Variants in CASC3 observed in about 807,000 individuals in gnomAD.
The protein encoded by CASC3 is CASC3 exon junction complex subunit, also known as protein CASC3.
CASC3 carries 30 observed loss-of-function variants against 80.5 expected under a neutral mutation model. The observed-to-expected ratio is 0.37, with a 90% CI of 0.28 to 0.51. The LOEUF is 0.51. Ranked by LOEUF, CASC3 falls within the 20% of genes least tolerant of loss-of-function variation. The probability of loss-of-function intolerance (pLI) is 0.94; values close to 1 mark genes in which losing one functional copy is unlikely to be tolerated. For missense variants in CASC3, 824 were observed against 922.2 expected (o/e 0.89, Z 1.38); for synonymous variants, 312 against 333.6 (o/e 0.94, Z 0.70).
In CASC3 at chr17:40,171,850, G is replaced by T. The variant is rs1989601351; in HGVS notation, c.*1445G>T. 1.7e-6 allele frequency: 2 copies of T among 1,194,634 alleles called. No homozygotes were observed. Among genetic ancestry groups the T allele is most frequent in the Admixed American group, 3.5e-5 (1 of 28,812 alleles). 74.0% of individuals were successfully genotyped at this position (1,194,634 alleles called of 1,614,324 possible). A position where few individuals can be genotyped will look rare whatever the true frequency, so the allele number is the denominator to read the frequency against. On this transcript the variant is annotated 3_prime_UTR_variant, in exon 14 of 14. Transcript: ENST00000264645. ...CTAATCACTCTGAGTCACAGGTGTG[G>T]GATGGAGAGTGGGGAGAGGCACTTA...
chr17:40,143,095 A>T (rs1988763321), intron 3 of CASC3, among the ~76,000 whole-genome samples: 1 of 151,410 alleles, frequency 6.6e-6, no homozygotes, highest in African/African-American at 2.4e-5. Flanking sequence ...TCAAAAAAAA[A>T]AAAATAAATA....
intron 7 of CASC3, among the ~76,000 whole-genome samples, chr17:40,165,763 GTT>G (rs915103639): frequency 3.3e-5 from 4 of 123,002 alleles, no homozygotes; most frequent in Non-Finnish European, 1.8e-5. Context: ...TTTTTTTTTT[GTT>G]TTTTTTTTTT....
Position 40,163,978 on chromosome 17 carries a change from C to A in CASC3, c.1283C>A (p.Pro428His), listed in dbSNP as rs1251733224. 6.2e-7 allele frequency: 1 copy of A among 1,614,142 alleles called. No homozygotes were observed. The highest frequency in any genetic ancestry group is 1.1e-5 in the South Asian group (1 of 91,080). Residue 428 changes from proline (P) to histidine (H), a missense_variant, in exon 7 of 14, where the codon CCT becomes CAT. This residue lies in a region of CASC3 where 464 missense variants were observed against 506.0 expected (regional missense o/e 0.92). Transcript: ENST00000264645. ...CTTGCAGAGGAGGTGCCCCCTCCTC[C>A]TGAAGGACTGATTCCAGCACCTCCA... The part of the protein sequence containing the change: ...VKLAEEVPPP[P>H]EGLIPAPPVP...
chr17:40,168,012 A>C, intron 10 of CASC3, 64 bp downstream of exon 10: 1 of 1,506,080 alleles, frequency 6.6e-7, no homozygotes, highest in Non-Finnish European at 9.2e-7. Flanking sequence ...GAGTGCCACA[A>C]AACCCATCCT....
At chr17:40,155,480 C>G (rs1000663854) in intron 3 of CASC3, among the ~76,000 whole-genome samples, 1 of 152,106 alleles carries the variant, frequency 6.6e-6, no homozygotes, top group African/African-American at 2.4e-5. Context: ...CATAGCAGTT[C>G]TAGGTAAGAC....
At chr17:40,141,694 C>T (rs549557458) in intron 3 of CASC3, 87 bp downstream of exon 3, 4 of 961,670 alleles carry the variant, frequency 4.2e-6, no homozygotes, top group South Asian at 2.7e-5. Context: ...CGTACCATGA[C>T]CTCCGTGTTT....
intron 3 of CASC3, among the ~76,000 whole-genome samples, chr17:40,144,492 A>ACAC (rs1044426345): frequency 6.6e-6 from 1 of 150,426 alleles, no homozygotes; most frequent in Non-Finnish European, 1.5e-5. Flanking sequence ...TTACAGGTGC[A>ACAC]CACCACCACA....
chr17:40,152,015 G>A (rs1989023259), intron 3 of CASC3, among the ~76,000 whole-genome samples: 1 of 152,198 alleles, frequency 6.6e-6, no homozygotes, highest in Admixed American at 6.5e-5. Context: ...ACATTGTGGA[G>A]TACCACAGTT....
At chr17:40,148,239 C>T (rs1988907850) in intron 3 of CASC3, among the ~76,000 whole-genome samples, 1 of 152,070 alleles carries the variant, frequency 6.6e-6, no homozygotes, top group African/African-American at 2.4e-5. Context: ...TTGTTCTGGA[C>T]CATCCCTGTC....
intron 3 of CASC3, among the ~76,000 whole-genome samples, chr17:40,152,475 C>G (rs1351148303): frequency 1.3e-5 from 2 of 152,006 alleles, no homozygotes; most frequent in African/African-American, 4.8e-5. Context: ...TCATGCGCCA[C>G]CAAGCCCAGC....
chr17:40,162,621 TA>T, intron 5 of CASC3, 103 bp from the exon 6 acceptor site: 1 of 1,037,962 alleles, frequency 9.6e-7, no homozygotes, highest in Non-Finnish European at 1.4e-6. Context: ...GGAGACTACG[TA>T]AAGTTCCTAT....
rs1386540609 is a variant in CASC3 at position 40,168,284 on chromosome 17, C to T, written c.1832C>T (p.Pro611Leu). ...PPPVSMSPGQPPPQQLLAPTY... is the reference protein window; with the variant it reads ...PPPVSMSPGQLPPQQLLAPTY... ...CCAGTGTCCATGTCTCCAGGACAGC[C>T]ACCACCTCAGCAGTTGCTTGCTCCT... Residue 611 changes from proline (P) to leucine (L), a missense_variant, in exon 11 of 14, where the codon CCA (proline) becomes CTA (leucine). Coordinates refer to ENST00000264645, the MANE Select transcript of CASC3 (RefSeq NM_007359.5). 14 of 1,614,034 alleles carry T rather than the reference C, an allele frequency of 8.7e-6. No individual in the cohort carries two copies. Among genetic ancestry groups the T allele is most frequent in the Non-Finnish European group, 1.1e-5 (13 of 1,180,020 alleles).
At chr17:40,148,672 G>T (rs1269787285) in intron 3 of CASC3, among the ~76,000 whole-genome samples, 1 of 151,832 alleles carries the variant, frequency 6.6e-6, no homozygotes, top group Non-Finnish European at 1.5e-5. Flanking sequence ...CTTGCTAGTT[G>T]TAAGTGCTGT....
chr17:40,170,264 T>TA (rs1168215896), intron 13 of CASC3, among the ~76,000 whole-genome samples, 183 bp from the exon 14 acceptor site: 2 of 152,312 alleles, frequency 1.3e-5, no homozygotes, highest in Non-Finnish European at 2.9e-5. Flanking sequence ...TTTGAGATGT[T>TA]ATAGCAGAAA....
rs1989543257 is a variant in CASC3 at position 40,169,596 on chromosome 17, AGGTTGT to A, written c.2089-1_2093del. The stretch of plus-strand genomic sequence containing the variant: ...TAACAAATTCCAACTTTGTTATTTC[AGGTTGT>A]AAGCAGGGGTTCCAGTTAATACAAG... On this transcript the variant is annotated splice_acceptor_variant and coding_sequence_variant, in exon 13 of 14. Transcript: ENST00000264645. LOFTEE classifies it high-confidence loss of function. 6.3e-7 allele frequency: 1 copy of A among 1,595,372 alleles called. No homozygotes were observed. The highest frequency in any genetic ancestry group is 2.2e-5 in the East Asian group (1 of 44,662).
At chr17:40,142,280 A>G (rs145366674) in intron 3 of CASC3, among the ~76,000 whole-genome samples, 2 of 152,226 alleles carry the variant, frequency 1.3e-5, no homozygotes, top group Admixed American at 6.5e-5. Flanking sequence ...CAAAATTCCT[A>G]TCTTTAGAGA....
intron 3 of CASC3, among the ~76,000 whole-genome samples, chr17:40,161,430 C>G (rs1376152847): frequency 6.6e-6 from 1 of 152,108 alleles, no homozygotes; most frequent in African/African-American, 2.4e-5. Context: ...CCTATAAACC[C>G]AGCACTTTGG....
intron 3 of CASC3, among the ~76,000 whole-genome samples, chr17:40,142,257 G>A (rs559959378): frequency 2.6e-5 from 4 of 152,308 alleles, no homozygotes; most frequent in African/African-American, 9.6e-5. Flanking sequence ...GGATGGAATA[G>A]TGAACACTAT....
chr17:40,142,189 A>G (rs902564787), intron 3 of CASC3, among the ~76,000 whole-genome samples: 1 of 152,184 alleles, frequency 6.6e-6, no homozygotes, highest in African/African-American at 2.4e-5. Context: ...TGGATCAAAG[A>G]TTTTGTCTAT....
Sources: gnomAD v4.1 joint callset for allele counts (sites outside exome capture counted in the v4.1 genomes callset) on GRCh38, gnomAD v4.1.1 for gene constraint, gnomAD v4.1.1 regional missense constraint, MANE v1.5 for transcripts, NCBI Gene and HGNC (gene_info 2026-07-23, HGNC 2026-07-21) for gene names.